Variants in GOLGB1 observed in about 807,000 individuals in gnomAD.
GOLGB1 encodes the protein golgin subfamily B member 1.
GOLGB1 carries 174 observed loss-of-function variants against 336.9 expected under a neutral mutation model. The ratio of observed to expected loss-of-function variants is 0.52; its 90% CI spans 0.46 to 0.59. GOLGB1 has a LOEUF of 0.59. Ranked by LOEUF, GOLGB1 falls within the 20% of genes least tolerant of loss-of-function variation. The probability of loss-of-function intolerance (pLI) is 0.00; values close to 1 mark genes in which losing one functional copy is unlikely to be tolerated. For synonymous variants in GOLGB1, 1,208 were observed against 1,289.2 expected, an observed-to-expected ratio of 0.94 and a Z score of 1.35; for missense variants, 3,331 against 3,645.3, an observed-to-expected ratio of 0.91 and a Z score of 2.22.
At chr3:121,689,952 A>G (rs1427346417) in intron 14 of GOLGB1, among the ~76,000 whole-genome samples, 1 of 152,170 alleles carries the variant, frequency 6.6e-6, no homozygotes, top group East Asian at 1.9e-4. Context: ...TGGCTCATAC[A>G]GTTCCAGTTT....
At chr3:121,719,998 T>G (rs1441337049) in intron 6 of GOLGB1, among the ~76,000 whole-genome samples, 1 of 152,192 alleles carries the variant, frequency 6.6e-6, no homozygotes, top group Non-Finnish European at 1.5e-5. Context: ...AACATAAATT[T>G]TGATCAAAAA....
At chr3:121,726,850 T>C in intron 5 of GOLGB1, 63 bp downstream of exon 5, 3 of 1,251,310 alleles carry the variant, frequency 2.4e-6, no homozygotes, top group Admixed American at 4.6e-5. Flanking sequence ...ATTTGTCACA[T>C]AATAATCCAT....
At chr3:121,719,800 T>G in intron 6 of GOLGB1, 32 bp from the exon 7 acceptor site, 1 of 1,563,894 alleles carries the variant, frequency 6.4e-7, no homozygotes, top group South Asian at 1.2e-5. Flanking sequence ...ACTATGCAAG[T>G]TACACTCCCC....
Position 121,719,728 on chromosome 3 carries a change from C to A in GOLGB1, c.689G>T (p.Arg230Leu). 1.9e-6 allele frequency: 3 copies of A among 1,608,860 alleles called. No homozygotes were observed. Among genetic ancestry groups the A allele is most frequent in the Non-Finnish European group, 1.7e-6 (2 of 1,177,308 alleles). Residue 230 changes from arginine to leucine, a missense_variant, in exon 7 of 22, where the codon CGC becomes CTC. By Grantham distance (102) the Arg-to-Leu change is moderately radical. Transcript: ENST00000614479. ...MQQVVREKDA[R>L]FETQVRLHED... ...ATGAAGACGAACTTGTGTTTCAAAG[C>A]GGGCATCTTTCTCTCGGACCACCTG...
chr3:121,726,615 C>CAAAAAAT (rs1945636271), intron 5 of GOLGB1, among the ~76,000 whole-genome samples: 2 of 150,666 alleles, frequency 1.3e-5, no homozygotes, highest in Admixed American at 6.6e-5. Context: ...CAAAAACAAA[C>CAAAAAAT]AAAAAATAGA....
chr3:121,727,674 A>C (rs924068056), intron 4 of GOLGB1, among the ~76,000 whole-genome samples: 2 of 150,632 alleles, frequency 1.3e-5, no homozygotes, highest in Admixed American at 6.6e-5. Flanking sequence ...TCAATAATCT[A>C]TTTTTTTTTC....
chr3:121,749,821 C>T (rs1393517443), upstream of GOLGB1: 1 of 152,340 alleles, frequency 6.6e-6, no homozygotes, highest in Non-Finnish European at 1.5e-5. Context: ...CCAGGGAGAC[C>T]AGGCACACCT....
intron 6 of GOLGB1, among the ~76,000 whole-genome samples, chr3:121,721,492 A>G (rs9876021): frequency 0.7 from 105,870 of 151,972 alleles, 37,651 homozygotes; most frequent in East Asian, 0.86. Context: ...AGCCAGATGC[A>G]GTGGCACATG....
Position 121,691,127 on chromosome 3 carries a change from C to A in GOLGB1, c.8237G>T (p.Ser2746Ile), listed in dbSNP as rs749288150. The A allele has an allele frequency of 6.2e-6, 10 of 1,613,820 alleles. No homozygotes were observed. The highest frequency in any genetic ancestry group is 1.7e-6 in the Non-Finnish European group (2 of 1,179,934). The part of the protein sequence containing the change: ...AQIQSFGRSM[S>I]SLQNSRDHAN... ...ATGATCTCTACTATTTTGCAAGGAA[C>A]TCATAGACCTTCCAAAAGACTGAAT... Residue 2746 changes from serine (S) to isoleucine (I), a missense_variant, in exon 14 of 22, where the codon AGT (serine) becomes ATT (isoleucine). Coordinates refer to ENST00000614479, the MANE Select transcript of GOLGB1 (RefSeq NM_001366282.2).
At chr3:121,735,348 T>C (rs999919677) in intron 1 of GOLGB1, among the ~76,000 whole-genome samples, 8 of 152,142 alleles carry the variant, frequency 5.3e-5, no homozygotes, top group African/African-American at 1.9e-4. Flanking sequence ...CTGTGACAAA[T>C]AGATCTAACT....
chr3:121,747,351 G>C (rs140703127), intron 1 of GOLGB1, among the ~76,000 whole-genome samples: 173 of 135,376 alleles, frequency 1.3e-3, no homozygotes, highest in African/African-American at 1.6e-3. Context: ...ATATATATGT[G>C]TATATACGTA....
In GOLGB1 at chr3:121,663,470, A is replaced by G. The variant is rs967652410; in HGVS notation, c.*1010T>C. On this transcript the variant is annotated 3_prime_UTR_variant, in exon 22 of 22. Transcript: ENST00000614479. ...TCCTTCTCAGGTCTATCTATATTTA[A>G]TTTTGTCTTCTCTATATTCTCCTTC... 10 of 152,268 alleles carry G rather than the reference A, an allele frequency of 6.6e-5. No homozygotes were observed. The highest frequency in any genetic ancestry group is 2.0e-4 in the Admixed American group (3 of 15,292). The allele number at this position is 152,268 out of a possible 1,614,324, so 9.4% of individuals were successfully genotyped here. A position where few individuals can be genotyped will look rare whatever the true frequency, so the allele number is the denominator to read the frequency against.
chr3:121,666,539 G>T (rs1263982177), intron 20 of GOLGB1, among the ~76,000 whole-genome samples: 3 of 152,206 alleles, frequency 2.0e-5, no homozygotes, highest in Non-Finnish European at 4.4e-5. Flanking sequence ...CACCCTCAAA[G>T]CTGCATATCA....
At chr3:121,713,717 A>G (rs1241540439) in intron 10 of GOLGB1, among the ~76,000 whole-genome samples, 1 of 152,180 alleles carries the variant, frequency 6.6e-6, no homozygotes, top group African/African-American at 2.4e-5. Flanking sequence ...TATGCATTTG[A>G]CAAAACTCAA....
chr3:121,679,197 G>A (rs2107650731), intron 15 of GOLGB1, among the ~76,000 whole-genome samples: 1 of 152,236 alleles, frequency 6.6e-6, no homozygotes, highest in Middle Eastern at 3.4e-3. Context: ...AACTTTTTGA[G>A]CACTGACATG....
intron 1 of GOLGB1, among the ~76,000 whole-genome samples, chr3:121,748,345 C>T (rs920881669): frequency 1.3e-5 from 2 of 152,112 alleles, no homozygotes; most frequent in African/African-American, 2.4e-5. Flanking sequence ...TAATTAAACA[C>T]ACAACATTTG....
intron 5 of GOLGB1, among the ~76,000 whole-genome samples, chr3:121,725,034 T>C (rs1945475737): frequency 6.6e-6 from 1 of 152,092 alleles, no homozygotes; most frequent in Non-Finnish European, 1.5e-5. Flanking sequence ...CACTTACATG[T>C]CGAAGGATGT....
intron 2 of GOLGB1, 52 bp from the exon 3 acceptor site, chr3:121,730,069 C>T (rs1379182619): frequency 1.5e-6 from 2 of 1,295,364 alleles, no homozygotes; most frequent in Non-Finnish European, 2.2e-6. Context: ...TATTAGCTTC[C>T]CAACAGGAGT....
At chr3:121,684,143 A>AAAAAAAAAAC (rs1941449501) in intron 14 of GOLGB1, among the ~76,000 whole-genome samples, 1 of 148,580 alleles carries the variant, frequency 6.7e-6, no homozygotes, top group Non-Finnish European at 1.5e-5. Context: ...AAAAAAAAAA[A>AAAAAAAAAAC]AAAAAAAAAC....
Sources: allele counts gnomAD v4.1 joint callset (sites outside exome capture counted in the v4.1 genomes callset), GRCh38; gene constraint gnomAD v4.1.1; transcripts MANE v1.5; gene names NCBI Gene and HGNC (gene_info 2026-07-23, HGNC 2026-07-21).